GRAMD1B: variants seen among roughly 807,000 people sequenced by gnomAD.
GRAMD1B encodes the protein GRAM domain containing 1B.
A neutral mutation model predicts 99.7 loss-of-function variants in GRAMD1B; 37 were observed. The ratio of observed to expected loss-of-function variants is 0.37; its 90% CI spans 0.29 to 0.49. GRAMD1B has a LOEUF of 0.49. GRAMD1B is among the 20% of genes least tolerant of loss of function. The pLI is 0.98. For missense variants in GRAMD1B, 888 were observed against 1,009.2 expected (o/e 0.88, Z 1.63); for synonymous variants, 427 against 387.6 (o/e 1.10, Z -1.19).
At chr11:123,372,038 T>C (rs1317199645) in intron 1 of GRAMD1B, among the ~76,000 whole-genome samples, 1 of 152,240 alleles carries the variant, frequency 6.6e-6, no homozygotes, top group Non-Finnish European at 1.5e-5. Flanking sequence ...TATCTGCCTG[T>C]TGCTTTGATT....
chr11:123,525,824 G>C, intron 2 of GRAMD1B: 1 of 405,176 alleles, frequency 2.5e-6, no homozygotes, highest in Non-Finnish European at 4.6e-6. Context: ...GTTTCGCGCA[G>C]CCTTGCCAGC....
intron 1 of GRAMD1B, among the ~76,000 whole-genome samples, chr11:123,398,446 T>G (rs1264961191): frequency 6.6e-6 from 1 of 152,174 alleles, no homozygotes; most frequent in Non-Finnish European, 1.5e-5. Flanking sequence ...CACCTTCAAA[T>G]AGATCGACAT....
rs1361997858 is a variant in GRAMD1B, at chr11:123,550,990, G to T, written c.453-26377G>T. Among the ~76,000 whole-genome samples, 6 of 152,292 alleles carry T rather than the reference G, an allele frequency of 3.9e-5. No individual in the cohort carries two copies. The East Asian group carries it at 9.7e-4, about 25-fold the overall frequency. ...TCAGTTGGAAAGGGACTCTACAAAA[G>T]ACTTGGAGACAGATTTGCCTGCAGG... is the stretch of plus-strand genomic sequence containing the variant. On this transcript the variant is annotated intron_variant, in intron 2 of 19. Transcript: ENST00000635736.
chr11:123,384,292 GTC>G (rs1946985678), intron 1 of GRAMD1B, among the ~76,000 whole-genome samples: 1 of 152,202 alleles, frequency 6.6e-6, no homozygotes, highest in Non-Finnish European at 1.5e-5. Flanking sequence ...GATCTCAGCA[GTC>G]TCTAATTAAT....
chr11:123,555,891 G>A (rs974746431), intron 2 of GRAMD1B, among the ~76,000 whole-genome samples: 24 of 151,574 alleles, frequency 1.6e-4, no homozygotes, highest in African/African-American at 5.1e-4. Context: ...CCACCACCAC[G>A]CCTGGCTAAT....
At chr11:123,577,228 C>CT in intron 2 of GRAMD1B, 139 bp from the exon 3 acceptor site, 1 of 726,968 alleles carries the variant, frequency 1.4e-6, no homozygotes, top group Non-Finnish European at 2.3e-6. Flanking sequence ...GGGCCCCTCT[C>CT]TCCCGGTTTC....
At chr11:123,583,124 T>C (rs1949590230) in intron 3 of GRAMD1B, among the ~76,000 whole-genome samples, 1 of 152,032 alleles carries the variant, frequency 6.6e-6, no homozygotes, top group South Asian at 2.1e-4. Context: ...ATATGTGTGG[T>C]GTGTGTGCAT....
At chr11:123,613,214 T>C (rs1159164043) in intron 15 of GRAMD1B, 8 of 570,540 alleles carry the variant, frequency 1.4e-5, no homozygotes, top group Non-Finnish European at 2.5e-5. Context: ...ATGCCCCAAA[T>C]TGTATACATG....
At chr11:123,401,030 A>G (rs1318810745) in intron 1 of GRAMD1B, among the ~76,000 whole-genome samples, 3 of 152,194 alleles carry the variant, frequency 2.0e-5, no homozygotes, top group African/African-American at 7.2e-5. Context: ...ACAATATGCC[A>G]GTCATTATTG....
At chr11:123,487,354 T>G (rs953910927) in intron 2 of GRAMD1B, among the ~76,000 whole-genome samples, 21 of 152,244 alleles carry the variant, frequency 1.4e-4, no homozygotes, top group African/African-American at 5.1e-4. Flanking sequence ...GTCTGTCACA[T>G]GGACAGCATT....
At chr11:123,422,794 C>T (rs764659802) in intron 1 of GRAMD1B, among the ~76,000 whole-genome samples, 4 of 152,208 alleles carry the variant, frequency 2.6e-5, no homozygotes, top group African/African-American at 4.8e-5. Flanking sequence ...CCTCTGCTCA[C>T]GTTCAAACCT....
intron 2 of GRAMD1B, among the ~76,000 whole-genome samples, chr11:123,531,679 TA>T (rs1943387908): frequency 6.6e-6 from 1 of 150,904 alleles, no homozygotes; most frequent in Non-Finnish European, 1.5e-5. Context: ...ATTTGTCCCC[TA>T]AATGAGTTAT....
chr11:123,498,330 T>G (rs1007097938), intron 2 of GRAMD1B, among the ~76,000 whole-genome samples: 14 of 152,304 alleles, frequency 9.2e-5, no homozygotes, highest in African/African-American at 3.1e-4. Flanking sequence ...CCACCACAGC[T>G]GGGTTCAATG....
intron 2 of GRAMD1B, among the ~76,000 whole-genome samples, chr11:123,553,118 A>G (rs1384583295): frequency 1.3e-5 from 2 of 152,212 alleles, no homozygotes; most frequent in South Asian, 2.1e-4. Context: ...TTAGTTGGTT[A>G]TGTAAAAACT....
At chr11:123,495,143 A>G (rs901846016) in intron 2 of GRAMD1B, among the ~76,000 whole-genome samples, 15 of 151,998 alleles carry the variant, frequency 9.9e-5, no homozygotes, top group African/African-American at 3.6e-4. Context: ...ACACACAGAC[A>G]CACATACACA....
intron 1 of GRAMD1B, among the ~76,000 whole-genome samples, chr11:123,408,112 G>T (rs1947917358): frequency 6.6e-6 from 1 of 152,210 alleles, no homozygotes; most frequent in Non-Finnish European, 1.5e-5. Flanking sequence ...CCAGTGTGGG[G>T]CTGACTGTGT....
At chr11:123,518,355 C>T (rs917874866) in intron 2 of GRAMD1B, among the ~76,000 whole-genome samples, 2 of 152,072 alleles carry the variant, frequency 1.3e-5, no homozygotes, top group Admixed American at 1.3e-4. Flanking sequence ...TTTCTATTGC[C>T]AGACAGAGCT....
At chr11:123,539,871 C>A (rs1238566942) in intron 2 of GRAMD1B, among the ~76,000 whole-genome samples, 1 of 152,168 alleles carries the variant, frequency 6.6e-6, no homozygotes, top group Non-Finnish European at 1.5e-5. Context: ...TCCCAGTTAT[C>A]CTCCAGAATT....
chr11:123,448,041 A>AAG (rs917498875), intron 1 of GRAMD1B, among the ~76,000 whole-genome samples: 7 of 151,572 alleles, frequency 4.6e-5, no homozygotes, highest in East Asian at 1.9e-4. Flanking sequence ...TTTAAAAAAA[A>AAG]AGAGAGAGAG....
Sources: gnomAD v4.1 joint callset for allele counts (sites outside exome capture counted in the v4.1 genomes callset) on GRCh38, gnomAD v4.1.1 for gene constraint, MANE v1.5 for transcripts, NCBI Gene and HGNC (gene_info 2026-07-23, HGNC 2026-07-21) for gene names.